The following RANBP17 variants were observed in gnomAD, a reference collection of about 807,000 sequenced individuals.
RANBP17 encodes ran-binding protein 17.
In RANBP17, 158 loss-of-function variants were observed where a neutral mutation model predicts 141.2. That is an observed-to-expected ratio of 1.12 (90% confidence interval 0.98 to 1.28). The LOEUF (loss-of-function observed/expected upper bound fraction) is 1.28, where lower values mean the gene tolerates loss of function less well. Among genes scored for constraint, RANBP17 ranks in the 50% most tolerant of loss-of-function variants. The pLI is 0.00. For missense variants in RANBP17, 1,438 were observed against 1,290.7 expected (o/e 1.11, Z -1.75); for synonymous variants, 430 against 450.0 (o/e 0.96, Z 0.56).
At position 170,892,477 on chromosome 5, in the gene RANBP17, A is replaced by C; in HGVS notation, c.347A>C (p.Lys116Thr). The C allele has an allele frequency of 6.2e-7, 1 of 1,614,030 alleles. No individual in the cohort carries two copies. The highest frequency in any genetic ancestry group is 1.3e-5 in the African/African-American group (1 of 75,008). Residue 116 changes from lysine to threonine, a missense_variant, in exon 4 of 28, where the codon AAG becomes ACG. Transcript: ENST00000523189. ...ATTCAAGTCATTGCTAAAATCACTAAGTTGGGGTGGTTTGAGGTTCAGAAA... is the reference window on the plus strand; with the variant it reads ...ATTCAAGTCATTGCTAAAATCACTACGTTGGGGTGGTTTGAGGTTCAGAAA... ...ALIQVIAKIT[K>T]LGWFEVQKDQ...
chr5:170,911,548 T>C (rs1315800013), intron 7 of RANBP17: 1 of 730,254 alleles, frequency 1.4e-6, no homozygotes, highest in Non-Finnish European at 2.6e-6. Flanking sequence ...TTGAAACTGG[T>C]CCTTAACTGC....
intron 14 of RANBP17, among the ~76,000 whole-genome samples, chr5:171,152,930 A>C (rs1440540984): frequency 3.3e-5 from 5 of 152,222 alleles, no homozygotes; most frequent in Admixed American, 1.3e-4. Flanking sequence ...TGGCATTCAC[A>C]AGATTTGACC....
intron 22 of RANBP17, among the ~76,000 whole-genome samples, chr5:171,230,952 G>A (rs1237745341): frequency 6.6e-6 from 1 of 151,502 alleles, no homozygotes; most frequent in Non-Finnish European, 1.5e-5. Context: ...TTGTTTTTTT[G>A]TTGAGACAAG....
chr5:171,261,187 G>A (rs1315702243), intron 24 of RANBP17, among the ~76,000 whole-genome samples: 1 of 151,018 alleles, frequency 6.6e-6, no homozygotes, highest in Non-Finnish European at 1.5e-5. Flanking sequence ...AATGGGAAGG[G>A]AAAACCTTGT....
chr5:171,093,482 C>CA (rs1225673061), intron 14 of RANBP17, among the ~76,000 whole-genome samples: 1 of 151,930 alleles, frequency 6.6e-6, no homozygotes, highest in African/African-American at 2.4e-5. Context: ...ACCAGAAAAA[C>CA]AATCAAGAAC....
intron 10 of RANBP17, 125 bp downstream of exon 10, chr5:170,918,984 AG>A: frequency 2.0e-6 from 1 of 496,338 alleles, no homozygotes. Context: ...TGTTCATTAC[AG>A]GGTTTTAGGT....
intron 14 of RANBP17, among the ~76,000 whole-genome samples, chr5:170,995,178 A>C (rs369996922): frequency 1.4e-4 from 21 of 152,134 alleles, no homozygotes; most frequent in African/African-American, 4.8e-4. Context: ...TATGTGTTAC[A>C]GTTGAAACAT....
At chr5:171,038,930 T>C (rs892893315) in intron 14 of RANBP17, among the ~76,000 whole-genome samples, 10 of 152,120 alleles carry the variant, frequency 6.6e-5, no homozygotes, top group Non-Finnish European at 1.0e-4. Flanking sequence ...TCTTTTTTCA[T>C]TGTGTCTTTG....
intron 14 of RANBP17, among the ~76,000 whole-genome samples, chr5:171,080,070 G>A (rs977484103): frequency 2.0e-5 from 3 of 152,078 alleles, no homozygotes; most frequent in Non-Finnish European, 4.4e-5. Context: ...ATCCACTCAT[G>A]CCTGGAAGAA....
intron 14 of RANBP17, among the ~76,000 whole-genome samples, chr5:171,147,089 A>G (rs919130383): frequency 2.0e-5 from 3 of 152,036 alleles, no homozygotes; most frequent in African/African-American, 4.8e-5. Context: ...GGTTGTCACA[A>G]TTTGGGAGAG....
In RANBP17 at chr5:170,913,011, T is replaced by C. The variant is rs116269504; in HGVS notation, c.761-1156T>C. Among the ~76,000 whole-genome samples, 1,056 of 152,018 alleles carry C rather than the reference T, an allele frequency of 6.9e-3. 9 individuals carry two copies. The highest frequency in any genetic ancestry group is 0.012 in the Non-Finnish European group (790 of 67,900). ...CTACAGAGGATTGGGGTCAAGAAGG[T>C]ATTAGACTTCTCAACAGCAGCACTG... On this transcript the variant is annotated intron_variant, in intron 7 of 27. Coordinates refer to ENST00000523189, the MANE Select transcript of RANBP17 (RefSeq NM_022897.5).
chr5:170,872,836 A>G (rs1767862698), intron 1 of RANBP17, among the ~76,000 whole-genome samples: 1 of 152,164 alleles, frequency 6.6e-6, no homozygotes, highest in Non-Finnish European at 1.5e-5. Flanking sequence ...GATTATGTTT[A>G]CTGATTTGCA....
Position 170,953,610 on chromosome 5 carries a change from G to A in RANBP17, c.1482G>A (p.Trp494Ter). 1 of 1,608,322 alleles carries A rather than the reference G, an allele frequency of 6.2e-7. No individual in the cohort carries two copies. The highest frequency in any genetic ancestry group is 8.5e-7 in the Non-Finnish European group (1 of 1,175,620). Residue 494 changes from tryptophan (W) to a stop codon, truncating the protein, a stop_gained, in exon 13 of 28, where the codon TGG (tryptophan) becomes TGA (stop). Transcript: ENST00000523189. LOFTEE classifies it high-confidence loss of function. Reference sequence around the variant, plus strand: ...ATTCTATATTAGGACGTCTTGCATGGCTGGTATACTTAGTTGGGACAGTTG... The same window carrying A: ...ATTCTATATTAGGACGTCTTGCATGACTGGTATACTTAGTTGGGACAGTTG... Reference protein sequence around the residue: ...DITIQEGRLAWLVYLVGTVVG... With the variant: ...DITIQEGRLA
intron 14 of RANBP17, among the ~76,000 whole-genome samples, chr5:171,064,984 T>C (rs1375874853): frequency 6.6e-6 from 1 of 152,248 alleles, no homozygotes; most frequent in African/African-American, 2.4e-5. Context: ...GAGTTTTCTT[T>C]GGCTATGCAC....
intron 1 of RANBP17, among the ~76,000 whole-genome samples, chr5:170,868,116 T>C (rs1448998614): frequency 6.6e-6 from 1 of 152,210 alleles, no homozygotes; most frequent in Non-Finnish European, 1.5e-5. Flanking sequence ...ACTCATCATT[T>C]AGGGGCCAAT....
intron 14 of RANBP17, among the ~76,000 whole-genome samples, chr5:171,013,535 C>T (rs911126246): frequency 1.1e-4 from 16 of 152,094 alleles, no homozygotes; most frequent in African/African-American, 3.9e-4. Flanking sequence ...TCCTTTCTTC[C>T]ATTTAATTAT....
intron 23 of RANBP17, 146 bp from the exon 24 acceptor site, chr5:171,242,536 C>T (rs1009134317): frequency 2.1e-5 from 16 of 772,342 alleles, no homozygotes; most frequent in Non-Finnish European, 8.3e-6. Context: ...GATTGGGACT[C>T]ATTATGTCAT....
chr5:170,966,999 A>G (rs1283696164), intron 13 of RANBP17, among the ~76,000 whole-genome samples: 1 of 152,172 alleles, frequency 6.6e-6, no homozygotes, highest in African/African-American at 2.4e-5. Context: ...GACGTGAAGG[A>G]CCTCTTCAAG....
In RANBP17 at chr5:171,239,677, G is replaced by C. The variant is rs1764741638; in HGVS notation, c.2423-1251G>C. ...AGAGTGGAACTATGAAAGGATTAGG[G>C]GTGAGAAGGTAGCTGGTGTTATGGT... On this transcript the variant is annotated intron_variant, in intron 22 of 27. Transcript: ENST00000523189. Among the ~76,000 whole-genome samples the C allele has an allele frequency of 5.3e-5, 8 of 152,140 alleles. No individual in the cohort carries two copies. In the South Asian group the frequency reaches 1.7e-3, roughly 32 times the overall value.
Sources: allele counts gnomAD v4.1 joint callset (sites outside exome capture counted in the v4.1 genomes callset), GRCh38; gene constraint gnomAD v4.1.1; transcripts MANE v1.5; gene names NCBI Gene and HGNC (gene_info 2026-07-23, HGNC 2026-07-21).